The following METAP1D variants were observed in gnomAD, a reference collection of about 807,000 sequenced individuals.
METAP1D encodes methionyl aminopeptidase type 1D, mitochondrial.
In METAP1D, 31 loss-of-function variants were observed where a neutral mutation model predicts 40.5. The ratio of observed to expected loss-of-function variants is 0.77; its 90% CI spans 0.58 to 1.03. METAP1D has a LOEUF of 1.03. Ranked by LOEUF, METAP1D falls within the 50% of genes least tolerant of loss-of-function variation. METAP1D has a pLI of 0.00. For missense variants in METAP1D, 411 were observed against 420.7 expected, an observed-to-expected ratio of 0.98 and a Z score of 0.20; for synonymous variants, 151 against 146.4, an observed-to-expected ratio of 1.03 and a Z score of -0.22.
intron 5 of METAP1D, among the ~76,000 whole-genome samples, chr2:172,066,832 G>A (rs1236450042): frequency 6.6e-6 from 1 of 152,174 alleles, no homozygotes. Flanking sequence ...TTTGCTAGCA[G>A]TGTTCCCTAG....
At chr2:172,078,101 C>T (rs1328048245) in intron 7 of METAP1D, among the ~76,000 whole-genome samples, 1 of 152,104 alleles carries the variant, frequency 6.6e-6, no homozygotes, top group Admixed American at 6.6e-5. Flanking sequence ...CTGTTTCAAT[C>T]CCAAAATAAG....
chr2:172,079,794 T>A (rs1185416111), intron 8 of METAP1D, among the ~76,000 whole-genome samples: 1 of 152,344 alleles, frequency 6.6e-6, no homozygotes, highest in Middle Eastern at 3.4e-3. Flanking sequence ...TTTTTAAAAA[T>A]TGGTATTTAT....
chr2:172,029,025 G>A (rs1209903934), intron 1 of METAP1D, among the ~76,000 whole-genome samples: 1 of 152,258 alleles, frequency 6.6e-6, no homozygotes, highest in East Asian at 1.9e-4. Context: ...AGACATGCAT[G>A]GTCAAACCAT....
intron 1 of METAP1D, among the ~76,000 whole-genome samples, chr2:172,014,227 C>T (rs1688795934): frequency 6.6e-6 from 1 of 152,066 alleles, no homozygotes; most frequent in African/African-American, 2.4e-5. Flanking sequence ...TCTCCTGCCT[C>T]AGCCTTCCCA....
chr2:172,080,778 T>TCC lies in METAP1D; in HGVS notation c.*373_*374dup. ...CCTCTTAAATCCATTGTATCAGAGG[T>TCC]CCTTACCTCTCTGACAGTTACAGTG... On this transcript the variant is annotated 3_prime_UTR_variant, in exon 10 of 10. Coordinates refer to ENST00000315796, the MANE Select transcript of METAP1D (RefSeq NM_199227.3). 1 of 332,652 alleles carries TCC rather than the reference T, an allele frequency of 3.0e-6. No homozygotes were observed. Among genetic ancestry groups the TCC allele is most frequent in the South Asian group, 3.4e-5 (1 of 29,560 alleles). The allele number at this position is 332,652 out of a possible 1,614,324, so 20.6% of individuals were successfully genotyped here.
At chr2:172,072,297 G>A (rs1342660054) in intron 6 of METAP1D, 2 of 166,978 alleles carry the variant, frequency 1.2e-5, no homozygotes, top group African/African-American at 2.4e-5. Flanking sequence ...AACACCTAGG[G>A]TTCAACAAAT....
At chr2:172,066,134 G>A (rs1690272464) in intron 4 of METAP1D, 130 bp from the exon 5 acceptor site, 1 of 705,396 alleles carries the variant, frequency 1.4e-6, no homozygotes, top group South Asian at 1.8e-5. Flanking sequence ...GTTATCCTGT[G>A]TAGTCCTCCT....
intron 1 of METAP1D, among the ~76,000 whole-genome samples, chr2:172,020,797 A>T (rs979454063): frequency 2.6e-5 from 4 of 152,216 alleles, no homozygotes; most frequent in African/African-American, 4.8e-5. Flanking sequence ...AGTAATTTTT[A>T]AAAATTTGAG....
intron 1 of METAP1D, among the ~76,000 whole-genome samples, chr2:172,035,068 T>C (rs1028753626): frequency 4.6e-5 from 7 of 151,894 alleles, no homozygotes; most frequent in Admixed American, 2.0e-4. Context: ...TTGTGAAATA[T>C]GTAGAGAGAA....
chr2:172,024,748 TTGTGTGTGTGTG>T (rs61596658), intron 1 of METAP1D, among the ~76,000 whole-genome samples: 2 of 66,568 alleles, frequency 3.0e-5, no homozygotes, highest in Non-Finnish European at 4.3e-5. Context: ...GACATATAGA[TTGTGTGTGTGTG>T]TGTGTGTGTG....
chr2:172,055,856 C>T, intron 1 of METAP1D, among the ~76,000 whole-genome samples: 1 of 152,154 alleles, frequency 6.6e-6, no homozygotes, highest in East Asian at 1.9e-4. Flanking sequence ...CCTGACGTTT[C>T]GAATTTTACC....
chr2:172,058,559 T>G (rs1430033164), intron 1 of METAP1D, among the ~76,000 whole-genome samples: 4 of 145,554 alleles, frequency 2.7e-5, no homozygotes, highest in African/African-American at 5.0e-5. Context: ...TTTTTTTTTT[T>G]AGAGAGACAG....
At chr2:172,045,276 A>G (rs1464770513) in intron 1 of METAP1D, among the ~76,000 whole-genome samples, 1 of 133,998 alleles carries the variant, frequency 7.5e-6, no homozygotes, top group Non-Finnish European at 1.7e-5. Flanking sequence ...TCAAACCAAA[A>G]CAAAAAGGAC....
Position 172,054,478 on chromosome 2 carries a change from T to C in METAP1D, c.41-7020T>C, listed in dbSNP as rs12052482. On this transcript the variant is annotated intron_variant, in intron 1 of 9. Transcript: ENST00000315796. ...AGGTTGCAGTGAGCCGAGATCGTGC[T>C]ACTGCACTCTAGCCTGGTGACAGAG... Among the ~76,000 whole-genome samples the C allele has an allele frequency of 0.039, 5,973 of 152,020 alleles. 640 individuals are homozygous for C. In the East Asian group the frequency reaches 0.45, roughly 11 times the overall value.
chr2:172,039,240 A>G (rs1689460862), intron 1 of METAP1D, among the ~76,000 whole-genome samples: 1 of 152,146 alleles, frequency 6.6e-6, no homozygotes, highest in Non-Finnish European at 1.5e-5. Flanking sequence ...CATCATCACA[A>G]TGGCCAAGTC....
chr2:172,073,908 T>C lies in METAP1D; in HGVS notation c.704+2838T>C, dbSNP rs535400980. On this transcript the variant is annotated intron_variant, in intron 6 of 9. Transcript: ENST00000315796. ...GAACAAGCAACTTGTATTAGTATCA[T>C]GTTATCAAAAACCTTGAGATCTCTA... Among the ~76,000 whole-genome samples, 5 of 152,380 alleles carry C rather than the reference T, an allele frequency of 3.3e-5. No individual in the cohort carries two copies. In the South Asian group the frequency reaches 1.0e-3, roughly 32 times the overall value.
chr2:172,009,036 AT>A (rs953682505), intron 1 of METAP1D, among the ~76,000 whole-genome samples: 1 of 149,496 alleles, frequency 6.7e-6, no homozygotes, highest in Non-Finnish European at 1.5e-5. Context: ...TATTTCTGGA[AT>A]TTTCTTTCTT....
rs1220297601 is a variant in METAP1D at position 172,065,683 on chromosome 2, G to C, written c.428G>C (p.Gly143Ala). ...CATAATGCCTATCCCTCACCTCTAG[G>C]CTATGGAGGTTTTCCAAAATCTGTT... is the stretch of plus-strand genomic sequence containing the variant. ...ISHNAYPSPL[G>A]YGGFPKSVCT... The change falls in exon 4 of 10, where the codon GGC becomes GCC. Residue 143 changes from glycine to alanine, a missense_variant. Physicochemically the swap from Gly to Ala is moderately conservative, Grantham distance 60. Coordinates refer to ENST00000315796, the MANE Select transcript of METAP1D (RefSeq NM_199227.3). The C allele has an allele frequency of 6.2e-7, 1 of 1,613,914 alleles. No homozygotes were observed.
chr2:172,016,268 CCT>C (rs1173821623), intron 1 of METAP1D, among the ~76,000 whole-genome samples: 1 of 57,506 alleles, frequency 1.7e-5, no homozygotes, highest in Non-Finnish European at 3.0e-5. Context: ...AGAGTGAGAC[CCT>C]GTCTCAAAAA....
Sources: allele counts gnomAD v4.1 joint callset (sites outside exome capture counted in the v4.1 genomes callset), GRCh38; gene constraint gnomAD v4.1.1; transcripts MANE v1.5; gene names NCBI Gene and HGNC (gene_info 2026-07-23, HGNC 2026-07-21).